The following FRAS1 variants were observed in gnomAD, a reference collection of about 807,000 sequenced individuals.
The protein encoded by FRAS1 is extracellular matrix organizing protein FRAS1.
A neutral mutation model predicts 435.2 loss-of-function variants in FRAS1; 290 were observed. The ratio of observed to expected loss-of-function variants is 0.67; its 90% confidence interval spans 0.61 to 0.73. The LOEUF (loss-of-function observed/expected upper bound fraction) is 0.73, where lower values mean the gene tolerates loss of function less well. Among genes scored for constraint, FRAS1 ranks in the 30% least tolerant of loss-of-function variants. The pLI is 0.00. For missense variants in FRAS1, 4,860 were observed against 5,001.5 expected (o/e 0.97, Z 0.85); for synonymous variants, 1,800 against 1,851.0 (o/e 0.97, Z 0.71).
At chr4:78,284,706 G>C (rs1412642543) in intron 13 of FRAS1, among the ~76,000 whole-genome samples, 158 bp downstream of exon 13, 2 of 152,172 alleles carry the variant, frequency 1.3e-5, no homozygotes, top group Non-Finnish European at 2.9e-5. Context: ...CTAGAAGGTA[G>C]TAATGTCATC....
intron 2 of FRAS1, among the ~76,000 whole-genome samples, chr4:78,190,853 G>C (rs1722502189): frequency 6.6e-6 from 1 of 152,202 alleles, no homozygotes; most frequent in East Asian, 1.9e-4. Flanking sequence ...AACATCCAAT[G>C]TGAGTATATT....
intron 6 of FRAS1, among the ~76,000 whole-genome samples, chr4:78,264,618 C>G (rs1726264442): frequency 6.6e-6 from 1 of 152,146 alleles, no homozygotes; most frequent in Admixed American, 6.5e-5. Flanking sequence ...CAACCAGTTA[C>G]CATTACCAAG....
intron 14 of FRAS1, among the ~76,000 whole-genome samples, chr4:78,293,591 A>G (rs1032314442): frequency 1.3e-5 from 2 of 152,178 alleles, no homozygotes; most frequent in African/African-American, 4.8e-5. Context: ...TATAAAATCA[A>G]CTGTCTTCAA....
At chr4:78,325,945 A>C (rs1444081499) in intron 18 of FRAS1, among the ~76,000 whole-genome samples, 2 of 152,236 alleles carry the variant, frequency 1.3e-5, no homozygotes, top group Non-Finnish European at 2.9e-5. Context: ...GGTTTGGAGA[A>C]GTACAGCGTG....
chr4:78,475,536 GC>G lies in FRAS1; in HGVS notation c.7782del (p.Thr2595ProfsTer18). ...YAIVLCRTEQ[G>X]TASSSSRVSS... ...ATCGTCCTGTGTCGCACCGAGCAAG[GC>G]ACCGCCAGCTCCAGCTCCAGGGTCA... On this transcript the variant is annotated frameshift_variant, in exon 54 of 74. Transcript: ENST00000512123. LOFTEE classifies it high-confidence loss of function. 6.2e-7 allele frequency: 1 copy of G among 1,613,794 alleles called. No individual in the cohort carries two copies. Among genetic ancestry groups the G allele is most frequent in the Non-Finnish European group, 8.5e-7 (1 of 1,179,752 alleles).
intron 17 of FRAS1, 57 bp downstream of exon 17, chr4:78,317,565 CT>C (rs1452396964): frequency 1.3e-6 from 2 of 1,500,616 alleles, no homozygotes; most frequent in Non-Finnish European, 1.8e-6. Context: ...CATAGATTTA[CT>C]TTTTTCCAAT....
chr4:78,319,308 C>G, intron 18 of FRAS1: 1 of 495,572 alleles, frequency 2.0e-6, no homozygotes, highest in Middle Eastern at 3.0e-4. Context: ...TGTAGAATTT[C>G]ATTTATTATT....
intron 39 of FRAS1, 31 bp downstream of exon 39, chr4:78,438,749 T>C: frequency 6.4e-7 from 1 of 1,552,268 alleles, no homozygotes; most frequent in South Asian, 1.2e-5. Flanking sequence ...ATTTGACAGA[T>C]TCTTAAAAAC....
intron 2 of FRAS1, among the ~76,000 whole-genome samples, chr4:78,225,662 C>T (rs899534071): frequency 4.6e-5 from 7 of 152,312 alleles, no homozygotes; most frequent in Non-Finnish European, 8.8e-5. Context: ...TTCCACATTG[C>T]TTACCATGTG....
chr4:78,131,536 A>G (rs17002955), intron 2 of FRAS1, among the ~76,000 whole-genome samples: 3,540 of 152,336 alleles, frequency 0.023, 93 homozygotes, highest in South Asian at 0.092. Flanking sequence ...ATTGTGTTAA[A>G]AATGCCTGTG....
At chr4:78,084,707 G>C (rs533105541) in intron 2 of FRAS1, among the ~76,000 whole-genome samples, 1 of 152,128 alleles carries the variant, frequency 6.6e-6, no homozygotes, top group East Asian at 1.9e-4. Context: ...TCCTGCTCTA[G>C]TCCTAGGTTC....
intron 2 of FRAS1, among the ~76,000 whole-genome samples, chr4:78,234,842 G>T (rs915510094): frequency 6.6e-6 from 1 of 151,792 alleles, no homozygotes; most frequent in Non-Finnish European, 1.5e-5. Flanking sequence ...GCTTGGAAAT[G>T]TTGTGTATAT....
intron 2 of FRAS1, among the ~76,000 whole-genome samples, chr4:78,188,689 T>C (rs1164593690): frequency 6.6e-6 from 1 of 152,232 alleles, no homozygotes; most frequent in African/African-American, 2.4e-5. Flanking sequence ...CTTAGCCAAG[T>C]TGACACATAA....
chr4:78,078,187 G>A (rs958432742), intron 2 of FRAS1, among the ~76,000 whole-genome samples: 1 of 152,034 alleles, frequency 6.6e-6, no homozygotes, highest in East Asian at 1.9e-4. Flanking sequence ...ACACATTCCT[G>A]TTTATTGGTA....
At chr4:78,099,859 C>T (rs1156736611) in intron 2 of FRAS1, among the ~76,000 whole-genome samples, 1 of 152,144 alleles carries the variant, frequency 6.6e-6, no homozygotes, top group Non-Finnish European at 1.5e-5. Flanking sequence ...GTCATCGTTC[C>T]TTGTCCACTG....
At chr4:78,449,097 CT>C (rs1233403462) in intron 44 of FRAS1, among the ~76,000 whole-genome samples, 1 of 152,188 alleles carries the variant, frequency 6.6e-6, no homozygotes, top group East Asian at 1.9e-4. Flanking sequence ...TATCCTGTTA[CT>C]GTTTCATGGA....
chr4:78,466,351 C>T lies in FRAS1; in HGVS notation c.7173C>T (p.Gly2391=). 1 of 1,613,986 alleles carries T rather than the reference C, an allele frequency of 6.2e-7. No individual in the cohort carries two copies. Among genetic ancestry groups the T allele is most frequent in the Non-Finnish European group, 8.5e-7 (1 of 1,179,884 alleles). The change falls in exon 50 of 74, where the codon GGC becomes GGT. Residue 2391 remains glycine (G), a synonymous_variant. Coordinates refer to ENST00000512123, the MANE Select transcript of FRAS1 (RefSeq NM_025074.7). The stretch of plus-strand genomic sequence containing the variant: ...ACCGGGTCAGCTACAGCCATGACGG[C>T]AGTAACTCCCTCAAGGACCGGTTCA... ...YQNRVSYSHD[G]SNSLKDRFTF... is the part of the protein sequence containing the mutation.
intron 43 of FRAS1, among the ~76,000 whole-genome samples, chr4:78,447,567 C>T (rs1457832639): frequency 6.6e-6 from 1 of 152,102 alleles, no homozygotes; most frequent in Non-Finnish European, 1.5e-5. Context: ...TTGACTGTCC[C>T]ACTGCGGTAC....
At chr4:78,462,787 C>A (rs1719409747) in intron 47 of FRAS1, among the ~76,000 whole-genome samples, 1 of 152,178 alleles carries the variant, frequency 6.6e-6, no homozygotes, top group Non-Finnish European at 1.5e-5. Flanking sequence ...CATAAAATGC[C>A]TCATCAAAAA....
Sources: allele counts gnomAD v4.1 joint callset (sites outside exome capture counted in the v4.1 genomes callset), GRCh38; gene constraint gnomAD v4.1.1; transcripts MANE v1.5; gene names NCBI Gene and HGNC (gene_info 2026-07-23, HGNC 2026-07-21).